Variants in TTLL9 observed in about 807,000 individuals in gnomAD.
TTLL9 encodes the protein probable tubulin polyglutamylase TTLL9.
Under a neutral mutation model 65.6 loss-of-function variants are expected in TTLL9, and 47 were observed. That is an observed-to-expected ratio of 0.72 (90% CI 0.57 to 0.91). TTLL9 has a LOEUF of 0.91. Among genes scored for constraint, TTLL9 ranks in the 40% least tolerant of loss-of-function variants. The probability of loss-of-function intolerance (pLI) is 0.00; values close to 1 mark genes in which losing one functional copy is unlikely to be tolerated. For missense variants in TTLL9, 537 were observed against 568.8 expected, an observed-to-expected ratio of 0.94 and a Z score of 0.57; for synonymous variants, 179 against 204.8, an observed-to-expected ratio of 0.87 and a Z score of 1.07.
At chr20:31,904,350 C>CTTTTTTTTTTTTTTTTTTT (rs71185374) in intron 4 of TTLL9, among the ~76,000 whole-genome samples, 1 of 81,766 alleles carries the variant, frequency 1.2e-5, no homozygotes, top group Non-Finnish European at 2.3e-5. Flanking sequence ...TTTGATAATT[C>CTTTTTTTTTTTTTTTTTTT]TTTTTTTTTT....
chr20:31,933,198 G>C (rs140265173), intron 10 of TTLL9, among the ~76,000 whole-genome samples: 6 of 152,304 alleles, frequency 3.9e-5, no homozygotes, highest in Non-Finnish European at 8.8e-5. Flanking sequence ...TGCTGCTGAT[G>C]TCACTGGTGG....
intron 3 of TTLL9, among the ~76,000 whole-genome samples, chr20:31,889,264 T>G (rs142846663): frequency 6.6e-6 from 1 of 152,038 alleles, no homozygotes; most frequent in African/African-American, 2.4e-5. Context: ...TCTTCATGAT[T>G]GCCTTTTTTT....
intron 4 of TTLL9, 62 bp downstream of exon 4, chr20:31,898,627 T>G: frequency 6.6e-7 from 1 of 1,505,950 alleles, no homozygotes; most frequent in Admixed American, 1.8e-5. Flanking sequence ...TTGTCTTCCT[T>G]TGTTTTTCTC....
At chr20:31,873,821 G>GAAAGAAAGAAAGAAA (rs2062991828) in intron 2 of TTLL9, among the ~76,000 whole-genome samples, 423 of 96,068 alleles carry the variant, frequency 4.4e-3, no homozygotes, top group Middle Eastern at 0.025. Flanking sequence ...AGGAAGGAAG[G>GAAAGAAAGAAAGAAA]AAGAAAGAAA....
chr20:31,915,515 C>T (rs1442672490), intron 6 of TTLL9, among the ~76,000 whole-genome samples: 5 of 152,092 alleles, frequency 3.3e-5, no homozygotes, highest in Non-Finnish European at 5.9e-5. Flanking sequence ...ATATATCCCT[C>T]CCAAACCATC....
Position 31,943,947 on chromosome 20 carries a change from G to T in TTLL9, c.*926G>T. On this transcript the variant is annotated 3_prime_UTR_variant, in exon 15 of 15. Transcript: ENST00000535842. ...GGGGCTGTTGGGGTAACTGTTCCAG[G>T]GGGGACTTACTCCCTCTACCACTCC... The T allele has an allele frequency of 2.4e-6, 1 of 412,412 alleles. No homozygotes were observed. The highest frequency in any genetic ancestry group is 1.8e-5 in the South Asian group (1 of 56,636). 25.5% of individuals were successfully genotyped at this position (412,412 alleles called of 1,614,324 possible). A position where few individuals can be genotyped will look rare whatever the true frequency, so the allele number is the denominator to read the frequency against.
Position 31,943,128 on chromosome 20 carries a change from G to A in TTLL9, c.*107G>A. 1 of 1,070,650 alleles carries A rather than the reference G, an allele frequency of 9.3e-7. No homozygotes were observed. The highest frequency in any genetic ancestry group is 1.4e-6 in the Non-Finnish European group (1 of 702,938). 66.3% of individuals were successfully genotyped at this position (1,070,650 alleles called of 1,614,324 possible). A position where few individuals can be genotyped will look rare whatever the true frequency, so the allele number is the denominator to read the frequency against. Reference sequence around the variant, plus strand: ...CACAGCATTCGCCTCCCCACCTCCAGCCTGGCACCAGCTTTGCTGGCTTAG... The same window carrying A: ...CACAGCATTCGCCTCCCCACCTCCAACCTGGCACCAGCTTTGCTGGCTTAG... On this transcript the variant is annotated 3_prime_UTR_variant, in exon 15 of 15. Transcript: ENST00000535842.
At chr20:31,924,720 A>G (rs911024780) in intron 8 of TTLL9, among the ~76,000 whole-genome samples, 2 of 152,104 alleles carry the variant, frequency 1.3e-5, no homozygotes, top group African/African-American at 4.8e-5. Flanking sequence ...AGTAGCTGAG[A>G]CTACAGATGT....
At position 31,887,186 on chromosome 20, in the gene TTLL9, C is replaced by T. The variant is rs1323046274; in HGVS notation, c.70-10C>T. On this transcript the variant is annotated splice_polypyrimidine_tract_variant and intron_variant, in intron 2 of 14. Transcript: ENST00000535842. The stretch of plus-strand genomic sequence containing the variant: ...AAACCAGTTACATCCTTTTCCTTTC[C>T]TCATTGCAGAACCAAAATTACAAGG... The T allele has an allele frequency of 6.2e-7, 1 of 1,613,968 alleles. No individual in the cohort carries two copies. Among genetic ancestry groups the T allele is most frequent in the Non-Finnish European group, 8.5e-7 (1 of 1,179,978 alleles).
At chr20:31,879,725 TG>T in intron 2 of TTLL9, 1 of 1,283,208 alleles carries the variant, frequency 7.8e-7, no homozygotes, top group Non-Finnish European at 1.1e-6. Flanking sequence ...CCAGAGGTTC[TG>T]GTGGACCAGA....
In TTLL9 at chr20:31,939,202, TAGC is replaced by T; in HGVS notation, c.1182_1184del (p.Ser394del). On this transcript the variant is annotated inframe_deletion, in exon 14 of 15. Coordinates refer to ENST00000535842, the MANE Select transcript of TTLL9 (RefSeq NM_001008409.5). Reference sequence around the variant, plus strand: ...ACCTCATGTGGAATGATGGCCCTGTTAGCAGAGAGGAGGGGGCTCCTGACCTGT... The same window carrying T: ...ACCTCATGTGGAATGATGGCCCTGTTAGAGAGGAGGGGGCTCCTGACCTGT... 6.2e-7 allele frequency: 1 copy of T among 1,612,634 alleles called. No individual in the cohort carries two copies. The highest frequency in any genetic ancestry group is 8.5e-7 in the Non-Finnish European group (1 of 1,179,468).
At position 31,911,841 on chromosome 20, in the gene TTLL9, T is replaced by TGC. The variant is rs1326779447; in HGVS notation, c.504+1920_504+1921insCG. 9.0e-4 allele frequency among the ~76,000 whole-genome samples: 37 copies of TGC among 41,340 alleles called. No individual in the cohort carries two copies. In the East Asian group the frequency reaches 0.016, roughly 18 times the overall value. The allele number at this position is 41,340 out of a possible 152,430, so 27.1% of individuals were successfully genotyped here. A position where few individuals can be genotyped will look rare whatever the true frequency, so the allele number is the denominator to read the frequency against. The stretch of plus-strand genomic sequence containing the variant: ...CTCGGTGTGTCTGTGCGTGTGTGTG[T>TGC]GTGTGTGTGTGTGTGTGTGTGTGTG... On this transcript the variant is annotated intron_variant, in intron 6 of 14. Coordinates refer to ENST00000535842, the MANE Select transcript of TTLL9 (RefSeq NM_001008409.5).
At chr20:31,873,692 A>AAG (rs1263665464) in intron 2 of TTLL9, among the ~76,000 whole-genome samples, 3 of 63,252 alleles carry the variant, frequency 4.7e-5, no homozygotes, top group Non-Finnish European at 6.6e-5. Context: ...GAGAGAAAGA[A>AAG]AGAAAGAAAG....
At chr20:31,924,039 A>AG (rs1184306728) in intron 8 of TTLL9, among the ~76,000 whole-genome samples, 2 of 151,964 alleles carry the variant, frequency 1.3e-5, no homozygotes, top group East Asian at 3.9e-4. Flanking sequence ...CAGCTTCTCT[A>AG]GGGGACACAG....
intron 10 of TTLL9, 122 bp from the exon 11 acceptor site, chr20:31,933,678 C>T (rs1367914825): frequency 2.2e-6 from 2 of 889,696 alleles, no homozygotes; most frequent in Non-Finnish European, 3.4e-6. Flanking sequence ...AAAGCTCACA[C>T]ACACGACCGT....
chr20:31,881,818 A>G (rs2123392040), intron 2 of TTLL9, among the ~76,000 whole-genome samples: 1 of 152,306 alleles, frequency 6.6e-6, no homozygotes, highest in Non-Finnish European at 1.5e-5. Context: ...GATTCCTTTG[A>G]AAGGAAGGAC....
chr20:31,871,183 C>T lies in TTLL9; in HGVS notation c.57C>T (p.Pro19=), dbSNP rs2062924685. 2 of 1,614,066 alleles carry T rather than the reference C, an allele frequency of 1.2e-6. No homozygotes were observed. Among genetic ancestry groups the T allele is most frequent in the African/African-American group, 2.7e-5 (2 of 74,988 alleles). The change falls in exon 2 of 15, where the codon CCC becomes CCT. Residue 19 remains proline (P), a synonymous_variant. Transcript: ENST00000535842. The part of the protein sequence containing the change: ...LGPGTTAIRC[P]KKLQNQNYKG... ...CAGGCACAACTGCCATTAGGTGCCCCAAGAAATTACAGGTGAATGTTGGGA... is the reference window on the plus strand; with the variant it reads ...CAGGCACAACTGCCATTAGGTGCCCTAAGAAATTACAGGTGAATGTTGGGA...
intron 3 of TTLL9, among the ~76,000 whole-genome samples, chr20:31,896,569 G>A (rs1600549321): frequency 2.0e-5 from 3 of 151,518 alleles, no homozygotes; most frequent in Non-Finnish European, 2.9e-5. Context: ...TCTCTCTGTC[G>A]CCCACACTGG....
chr20:31,898,515 C>T lies in TTLL9; in HGVS notation c.156C>T (p.Asn52=), dbSNP rs748306748. The change falls in exon 4 of 15, where the codon AAC becomes AAT. Residue 52 remains asparagine (N), a synonymous_variant. Transcript: ENST00000535842. The part of the protein sequence containing the change: ...ASIRFKTTLM[N]TLMDVLRHRP... ...TCCGGTTCAAGACCACCCTCATGAA[C>T]ACACTCATGGACGTCCTTCGCCACA... is the stretch of plus-strand genomic sequence containing the variant. 2 of 1,614,086 alleles carry T rather than the reference C, an allele frequency of 1.2e-6. No individual in the cohort carries two copies. Among genetic ancestry groups the T allele is most frequent in the East Asian group, 4.5e-5 (2 of 44,900 alleles).
Sources: allele counts gnomAD v4.1 joint callset (sites outside exome capture counted in the v4.1 genomes callset), GRCh38; gene constraint gnomAD v4.1.1; transcripts MANE v1.5; gene names NCBI Gene and HGNC (gene_info 2026-07-23, HGNC 2026-07-21).